NXPH2: variants seen among roughly 807,000 people sequenced by gnomAD.
NXPH2 encodes neurexophilin 2.
NXPH2 carries 5 observed loss-of-function variants against 19.8 expected under a neutral mutation model. The ratio of observed to expected loss-of-function variants is 0.25; its 90% confidence interval spans 0.13 to 0.53. The LOEUF (loss-of-function observed/expected upper bound fraction) is 0.53, where lower values mean the gene tolerates loss of function less well. Ranked by LOEUF, NXPH2 falls within the 20% of genes least tolerant of loss-of-function variation. The pLI is 0.96. For missense variants in NXPH2, 289 were observed against 322.8 expected (o/e 0.90, Z 0.80); for synonymous variants, 154 against 127.4 (o/e 1.21, Z -1.41).
At chr2:138,734,699 G>C (rs1681512664) in intron 1 of NXPH2, among the ~76,000 whole-genome samples, 1 of 152,186 alleles carries the variant, frequency 6.6e-6, no homozygotes, top group Non-Finnish European at 1.5e-5. Context: ...AACAAGACTT[G>C]GTGGCTGATG....
intron 1 of NXPH2, among the ~76,000 whole-genome samples, chr2:138,730,328 G>A (rs1159443782): frequency 6.6e-6 from 1 of 151,852 alleles, no homozygotes. Flanking sequence ...CCCAGTAATT[G>A]GGATTACAGG....
intron 1 of NXPH2, among the ~76,000 whole-genome samples, chr2:138,768,879 A>C (rs1373187514): frequency 6.6e-6 from 1 of 152,204 alleles, no homozygotes; most frequent in African/African-American, 2.4e-5. Context: ...GATTTAGTAG[A>C]TTTATTAGCT....
chr2:138,780,176 G>C lies in NXPH2; in HGVS notation c.51+15C>G. Reference sequence around the variant, plus strand: ...GTCCCCGGCGTGTGGGACGGCGCGCGGGCCGGGCACTCACCAGCTGCAGCA... The same window carrying C: ...GTCCCCGGCGTGTGGGACGGCGCGCCGGCCGGGCACTCACCAGCTGCAGCA... On this transcript the variant is annotated intron_variant, in intron 1 of 1. Coordinates refer to ENST00000272641, the MANE Select transcript of NXPH2 (RefSeq NM_007226.3). The C allele has an allele frequency of 6.7e-7, 1 of 1,487,658 alleles. No individual in the cohort carries two copies. The highest frequency in any genetic ancestry group is 8.9e-7 in the Non-Finnish European group (1 of 1,127,088). 92.2% of individuals were successfully genotyped at this position (1,487,658 alleles called of 1,614,324 possible).
intron 1 of NXPH2, among the ~76,000 whole-genome samples, chr2:138,743,244 G>GGGA (rs1257568818): frequency 6.9e-6 from 1 of 144,692 alleles, no homozygotes; most frequent in African/African-American, 2.4e-5. Context: ...TCACCCGGGT[G>GGGA]GGATCCACCT....
At chr2:138,693,287 A>G (rs546490990) in intron 1 of NXPH2, among the ~76,000 whole-genome samples, 1 of 152,322 alleles carries the variant, frequency 6.6e-6, no homozygotes, top group East Asian at 1.9e-4. Flanking sequence ...CTGTTACGAA[A>G]GCATGAGAGT....
intron 1 of NXPH2, among the ~76,000 whole-genome samples, chr2:138,716,787 T>C (rs1234306820): frequency 6.6e-6 from 1 of 152,224 alleles, no homozygotes; most frequent in African/African-American, 2.4e-5. Flanking sequence ...TTTGAGGTGA[T>C]GGTTCTAGTT....
Position 138,719,727 on chromosome 2 carries a change from T to G in NXPH2, c.52-48062A>C, listed in dbSNP as rs560626307. On this transcript the variant is annotated intron_variant, in intron 1 of 1. Coordinates refer to ENST00000272641, the MANE Select transcript of NXPH2 (RefSeq NM_007226.3). ...TCATCCCCTCAAAAACCACAAAACT[T>G]TGAATGTTTAAATATATTATTAAAA... Among the ~76,000 whole-genome samples, 6 of 152,290 alleles carry G rather than the reference T, an allele frequency of 3.9e-5. No individual in the cohort carries two copies. The East Asian group carries it at 9.6e-4, about 24-fold the overall frequency.
At chr2:138,694,696 T>C (rs1051721178) in intron 1 of NXPH2, among the ~76,000 whole-genome samples, 25 of 152,194 alleles carry the variant, frequency 1.6e-4, no homozygotes, top group African/African-American at 5.3e-4. Flanking sequence ...CTCTGACTTA[T>C]GATGGTTCAA....
intron 1 of NXPH2, among the ~76,000 whole-genome samples, chr2:138,732,299 GA>G (rs1428535803): frequency 6.6e-6 from 1 of 152,196 alleles, no homozygotes; most frequent in Non-Finnish European, 1.5e-5. Flanking sequence ...AAGTCATAGA[GA>G]AGAGGAGAAA....
intron 1 of NXPH2, among the ~76,000 whole-genome samples, chr2:138,697,772 A>G (rs1680850408): frequency 6.6e-6 from 1 of 151,978 alleles, no homozygotes; most frequent in Non-Finnish European, 1.5e-5. Flanking sequence ...TAGATAAATA[A>G]TCACCAGAGA....
chr2:138,721,837 G>GT (rs1681283618), intron 1 of NXPH2, among the ~76,000 whole-genome samples: 1 of 152,202 alleles, frequency 6.6e-6, no homozygotes, highest in African/African-American at 2.4e-5. Context: ...GATAATGCCT[G>GT]TAAGTTTGCA....
intron 1 of NXPH2, among the ~76,000 whole-genome samples, chr2:138,753,678 A>G (rs1276917984): frequency 1.3e-5 from 2 of 152,140 alleles, no homozygotes; most frequent in African/African-American, 4.8e-5. Flanking sequence ...AGATGTCACC[A>G]ACTCTAATTC....
Position 138,671,612 on chromosome 2 carries a change from T to C in NXPH2, c.105A>G (p.Glu35=). The stretch of plus-strand genomic sequence containing the variant: ...CCAACGTCCCTGGAGCATCTTTGTC[T>C]TCCCAATCCAGCCCCTCCGTGGCAT... The part of the protein sequence containing the change: ...VVHATEGLDW[E]DKDAPGTLVG... Residue 35 remains glutamate (E), a synonymous_variant, in exon 2 of 2, where the codon GAA becomes GAG. Transcript: ENST00000272641. The C allele has an allele frequency of 1.2e-6, 2 of 1,606,724 alleles. No homozygotes were observed. The highest frequency in any genetic ancestry group is 8.5e-7 in the Non-Finnish European group (1 of 1,176,748).
rs1680400780 is a variant in NXPH2 at position 138,670,749 on chromosome 2, A to C, written c.*173T>G. The C allele has an allele frequency of 1.6e-6, 1 of 636,064 alleles. No homozygotes were observed. Among genetic ancestry groups the C allele is most frequent in the East Asian group, 2.9e-5 (1 of 34,100 alleles). The allele number at this position is 636,064 out of a possible 1,614,324, so 39.4% of individuals were successfully genotyped here. ...AAGGTACCTACGATAGAAAGAAACA[A>C]ATTTCACACTTAAAGATGTCTCTTT... On this transcript the variant is annotated 3_prime_UTR_variant, in exon 2 of 2. Coordinates refer to ENST00000272641, the MANE Select transcript of NXPH2 (RefSeq NM_007226.3).
chr2:138,749,050 T>C (rs1681786473), intron 1 of NXPH2, among the ~76,000 whole-genome samples: 1 of 152,146 alleles, frequency 6.6e-6, no homozygotes, highest in Non-Finnish European at 1.5e-5. Context: ...GTTAGGCAAA[T>C]TTCACCTTGA....
chr2:138,751,477 A>G (rs1431800002), intron 1 of NXPH2, among the ~76,000 whole-genome samples: 1 of 152,172 alleles, frequency 6.6e-6, no homozygotes, highest in Non-Finnish European at 1.5e-5. Flanking sequence ...GTCAGATTTT[A>G]TGAGAAACAA....
At chr2:138,687,171 A>G (rs879239318) in intron 1 of NXPH2, among the ~76,000 whole-genome samples, 1 of 152,336 alleles carries the variant, frequency 6.6e-6, no homozygotes, top group African/African-American at 2.4e-5. Flanking sequence ...TCCCACCAAC[A>G]GTGTAAAAAT....
At chr2:138,730,882 C>A (rs927807070) in intron 1 of NXPH2, among the ~76,000 whole-genome samples, 2 of 152,174 alleles carry the variant, frequency 1.3e-5, no homozygotes, top group Non-Finnish European at 2.9e-5. Flanking sequence ...GTTTGTAATG[C>A]AGCAATAGCT....
intron 1 of NXPH2, among the ~76,000 whole-genome samples, chr2:138,718,982 A>T (rs1482724865): frequency 6.6e-6 from 1 of 152,182 alleles, no homozygotes; most frequent in Non-Finnish European, 1.5e-5. Context: ...GAGGAAGAGG[A>T]AAATGTAATG....
Sources: allele counts gnomAD v4.1 joint callset (sites outside exome capture counted in the v4.1 genomes callset), GRCh38; gene constraint gnomAD v4.1.1; transcripts MANE v1.5; gene names NCBI Gene and HGNC (gene_info 2026-07-23, HGNC 2026-07-21).